Variants in SYMPK observed in about 807,000 individuals in gnomAD.
The protein encoded by SYMPK is symplekin.
Under a neutral mutation model 136.4 loss-of-function variants are expected in SYMPK, and 49 were observed. The ratio of observed to expected loss-of-function variants is 0.36; its 90% confidence interval spans 0.29 to 0.46. The LOEUF (loss-of-function observed/expected upper bound fraction) is 0.46. Among genes scored for constraint, SYMPK ranks in the 20% least tolerant of loss-of-function variants. SYMPK has a pLI of 1.00. For missense variants in SYMPK, 1,365 were observed against 1,690.0 expected, an observed-to-expected ratio of 0.81 and a Z score of 3.37; for synonymous variants, 766 against 713.0, an observed-to-expected ratio of 1.07 and a Z score of -1.19.
chr19:45,833,349 C>G (rs757391112), intron 11 of SYMPK, among the ~76,000 whole-genome samples: 3 of 152,188 alleles, frequency 2.0e-5, no homozygotes, highest in Non-Finnish European at 4.4e-5. Context: ...CACCCGAAAT[C>G]CCAGGACTTT....
chr19:45,862,614 T>TGGAGGGCAGGGAA lies in SYMPK; in HGVS notation c.-13+431_-13+443dup, dbSNP rs1296967213. 2.5e-5 allele frequency: 4 copies of TGGAGGGCAGGGAA among 157,170 alleles called. No individual in the cohort carries two copies. The Admixed American group carries it at 2.6e-4, about 10-fold the overall frequency. 9.7% of individuals were successfully genotyped at this position (157,170 alleles called of 1,614,324 possible). The stretch of plus-strand genomic sequence containing the variant: ...AGCATTTAACAGGCGGATTTCTGGA[T>TGGAGGGCAGGGAA]GGAGGGCAGGGAAGGAGGGCTTCGC... On this transcript the variant is annotated intron_variant, in intron 1 of 26. Coordinates refer to ENST00000245934, the MANE Select transcript of SYMPK (RefSeq NM_004819.3).
chr19:45,861,284 ATTCTTC>A (rs61626620), intron 1 of SYMPK, among the ~76,000 whole-genome samples: 2 of 152,090 alleles, frequency 1.3e-5, no homozygotes, highest in Non-Finnish European at 2.9e-5. Flanking sequence ...ACCCTGTTTC[ATTCTTC>A]TTCTGCTTTT....
chr19:45,843,906 T>G, intron 8 of SYMPK, 124 bp downstream of exon 8: 1 of 876,748 alleles, frequency 1.1e-6, no homozygotes, highest in South Asian at 3.2e-5. Context: ...ATTGCACCAC[T>G]GCACTCCAGC....
chr19:45,856,385 C>T (rs942449521), intron 1 of SYMPK, among the ~76,000 whole-genome samples: 7 of 152,208 alleles, frequency 4.6e-5, no homozygotes, highest in Admixed American at 1.3e-4. Flanking sequence ...AAAGAGGTCC[C>T]TGACAGCCTG....
At chr19:45,842,880 A>C in intron 8 of SYMPK, 1 of 207,014 alleles carries the variant, frequency 4.8e-6, no homozygotes. Context: ...TGACTTTCTA[A>C]TGGTCACCCT....
At chr19:45,823,906 A>T (rs750892769) in intron 18 of SYMPK, 31 bp from the exon 19 acceptor site, 1 of 1,570,652 alleles carries the variant, frequency 6.4e-7, no homozygotes. Context: ...GACCAGACCC[A>T]GGGTGAGAGC....
chr19:45,832,506 C>T (rs1410183504), intron 11 of SYMPK, among the ~76,000 whole-genome samples: 1 of 152,100 alleles, frequency 6.6e-6, no homozygotes, highest in Non-Finnish European at 1.5e-5. Flanking sequence ...TTGGTATATG[C>T]TCAAGACAGA....
intron 23 of SYMPK, 63 bp downstream of exon 23, chr19:45,817,896 A>T: frequency 5.5e-6 from 8 of 1,463,638 alleles, no homozygotes; most frequent in Non-Finnish European, 7.3e-6. Context: ...GGGGAAGGGG[A>T]GGGCAAGCAG....
At chr19:45,841,546 GC>G (rs1209369065) in intron 9 of SYMPK, among the ~76,000 whole-genome samples, 1 of 152,096 alleles carries the variant, frequency 6.6e-6, no homozygotes, top group East Asian at 1.9e-4. Context: ...ACATGCCTTG[GC>G]CTCCCAAAGT....
intron 22 of SYMPK, chr19:45,820,278 G>A (rs548283478): frequency 1.2e-4 from 19 of 152,428 alleles, no homozygotes; most frequent in Admixed American, 4.6e-4. Context: ...CAAAGGGGTC[G>A]GGGAATGTGA....
At chr19:45,851,541 G>C (rs746388967) in intron 5 of SYMPK, among the ~76,000 whole-genome samples, 1 of 149,470 alleles carries the variant, frequency 6.7e-6, no homozygotes, top group South Asian at 2.1e-4. Context: ...TTGCGCCACT[G>C]TACTCCAGCC....
intron 14 of SYMPK, chr19:45,828,316 G>C (rs936523602): frequency 8.9e-6 from 2 of 224,372 alleles, no homozygotes; most frequent in African/African-American, 4.7e-5. Flanking sequence ...GTTGAGGGAA[G>C]AGCATTCCAG....
intron 7 of SYMPK, among the ~76,000 whole-genome samples, chr19:45,846,820 G>A (rs75877832): frequency 0.051 from 7,527 of 147,136 alleles, 455 homozygotes; most frequent in East Asian, 0.35. Context: ...TTTTGAGACA[G>A]TCTCATTCTG....
At position 45,815,717 on chromosome 19, in the gene SYMPK, AG is replaced by A; in HGVS notation, c.3688-21del. 6.2e-7 allele frequency: 1 copy of A among 1,606,138 alleles called. No homozygotes were observed. Among genetic ancestry groups the A allele is most frequent in the South Asian group, 1.1e-5 (1 of 90,202 alleles). On this transcript the variant is annotated intron_variant, in intron 26 of 26. Coordinates refer to ENST00000245934, the MANE Select transcript of SYMPK (RefSeq NM_004819.3). Reference sequence around the variant, plus strand: ...CGTCTCCTGGTGACCGGGGAAGGAAAGGGCAGCCGGGTGGAGGGCGCGGTCA... The same window carrying A: ...CGTCTCCTGGTGACCGGGGAAGGAAAGGCAGCCGGGTGGAGGGCGCGGTCA...
intron 1 of SYMPK, among the ~76,000 whole-genome samples, chr19:45,859,219 C>T (rs1213309987): frequency 6.6e-6 from 1 of 152,018 alleles, no homozygotes; most frequent in Non-Finnish European, 1.5e-5. Flanking sequence ...GTATTCCTGC[C>T]CTTTCACTCT....
intron 1 of SYMPK, among the ~76,000 whole-genome samples, chr19:45,857,900 A>T (rs1397226645): frequency 1.3e-5 from 2 of 151,188 alleles, no homozygotes; most frequent in African/African-American, 4.9e-5. Flanking sequence ...CCCAGGTTCA[A>T]GCAATTCTCC....
chr19:45,843,778 C>G lies in SYMPK; in HGVS notation c.847+252G>C, dbSNP rs149649677. ...TGGCCAACACGGTGAAACCCCGTCTCTACTAAAAGTAAACAAATTAGCTGG... is the reference window on the plus strand; with the variant it reads ...TGGCCAACACGGTGAAACCCCGTCTGTACTAAAAGTAAACAAATTAGCTGG... On this transcript the variant is annotated intron_variant, in intron 8 of 26. Transcript: ENST00000245934. Among the ~76,000 whole-genome samples, 40 of 151,960 alleles carry G rather than the reference C, an allele frequency of 2.6e-4. No homozygotes were observed. The East Asian group carries it at 4.6e-3, about 18-fold the overall frequency.
rs371652011 is a variant in SYMPK, at chr19:45,817,923, T to C, written c.3081+36A>G. On this transcript the variant is annotated intron_variant, in intron 23 of 26. Coordinates refer to ENST00000245934, the MANE Select transcript of SYMPK (RefSeq NM_004819.3). The stretch of plus-strand genomic sequence containing the variant: ...GGCAAGCAGGCTAGAAGCTGCTGTC[T>C]GCAGCCTGGAGGCGGGGTGGCCGGG... 92 of 1,524,922 alleles carry C rather than the reference T, an allele frequency of 6.0e-5. No homozygotes were observed. In the Admixed American group the frequency reaches 8.8e-4, roughly 15 times the overall value. 94.5% of individuals were successfully genotyped at this position (1,524,922 alleles called of 1,614,324 possible).
Position 45,825,482 on chromosome 19 carries a change from G to A in SYMPK, c.2330-151C>T, listed in dbSNP as rs1971020902. The A allele has an allele frequency of 8.2e-6, 8 of 976,112 alleles. No homozygotes were observed. The South Asian group carries it at 1.4e-4, about 17-fold the overall frequency. 60.5% of individuals were successfully genotyped at this position (976,112 alleles called of 1,614,324 possible). A position where few individuals can be genotyped will look rare whatever the true frequency, so the allele number is the denominator to read the frequency against. ...CTAATTGTTCTAGGGCAGGGAAATG[G>A]CGGGGACCAGGACTTCCCACCTCCA... is the stretch of plus-strand genomic sequence containing the variant. On this transcript the variant is annotated intron_variant, in intron 17 of 26. Coordinates refer to ENST00000245934, the MANE Select transcript of SYMPK (RefSeq NM_004819.3).
Sources: gnomAD v4.1 joint callset for allele counts (sites outside exome capture counted in the v4.1 genomes callset) on GRCh38, gnomAD v4.1.1 for gene constraint, MANE v1.5 for transcripts, NCBI Gene and HGNC (gene_info 2026-07-23, HGNC 2026-07-21) for gene names.